The following GNAQ variants were observed in gnomAD, a reference collection of about 807,000 sequenced individuals.
GNAQ encodes guanine nucleotide-binding protein G(q) subunit alpha.
A neutral mutation model predicts 43.9 loss-of-function variants in GNAQ; 8 were observed. The ratio of observed to expected loss-of-function variants is 0.18; its 90% CI spans 0.11 to 0.33. The LOEUF is 0.33. Among genes scored for constraint, GNAQ ranks in the 10% least tolerant of loss-of-function variants. The pLI, the probability that GNAQ is intolerant of heterozygous loss-of-function variation, is 1.00. For synonymous variants in GNAQ, 155 were observed against 170.7 expected, an observed-to-expected ratio of 0.91 and a Z score of 0.71; for missense variants, 158 against 450.8, an observed-to-expected ratio of 0.35 and a Z score of 5.88.
intron 3 of GNAQ, among the ~76,000 whole-genome samples, chr9:77,806,053 G>T (rs890605120): frequency 6.6e-6 from 1 of 152,098 alleles, no homozygotes; most frequent in Non-Finnish European, 1.5e-5. Flanking sequence ...CCAGGGCTGG[G>T]CTCACAGCAA....
At chr9:77,946,391 A>G (rs1349027693) in intron 1 of GNAQ, among the ~76,000 whole-genome samples, 1 of 152,198 alleles carries the variant, frequency 6.6e-6, no homozygotes, top group Non-Finnish European at 1.5e-5. Context: ...TAAGCAGAAC[A>G]TTTTCCAGCT....
At chr9:77,897,106 C>T (rs941783908) in intron 2 of GNAQ, among the ~76,000 whole-genome samples, 2 of 152,184 alleles carry the variant, frequency 1.3e-5, no homozygotes, top group South Asian at 2.1e-4. Flanking sequence ...AGGAGGCACC[C>T]GTGCCAAACC....
At chr9:77,747,105 G>A (rs1452855864) in intron 5 of GNAQ, among the ~76,000 whole-genome samples, 3 of 152,114 alleles carry the variant, frequency 2.0e-5, no homozygotes, top group Admixed American at 6.5e-5. Context: ...TAAAATGGGG[G>A]AGGTAGAGTG....
intron 5 of GNAQ, among the ~76,000 whole-genome samples, chr9:77,764,580 C>T (rs1291416671): frequency 3.3e-5 from 5 of 152,112 alleles, no homozygotes; most frequent in African/African-American, 9.6e-5. Flanking sequence ...CTCAGCCTCC[C>T]GAGTAACTGG....
chr9:77,859,648 C>G (rs1002944356), intron 2 of GNAQ, among the ~76,000 whole-genome samples: 5 of 152,178 alleles, frequency 3.3e-5, no homozygotes, highest in African/African-American at 1.2e-4. Context: ...ATCTGAAGCT[C>G]AAGAAAATTA....
At chr9:77,833,347 G>T (rs954834536) in intron 2 of GNAQ, among the ~76,000 whole-genome samples, 1 of 152,162 alleles carries the variant, frequency 6.6e-6, no homozygotes, top group African/African-American at 2.4e-5. Context: ...TTGGGCAGTC[G>T]AATTCCCTAA....
intron 5 of GNAQ, among the ~76,000 whole-genome samples, chr9:77,738,447 T>C (rs1336955737): frequency 1.3e-5 from 2 of 152,208 alleles, no homozygotes; most frequent in Non-Finnish European, 2.9e-5. Context: ...AAAATTAATA[T>C]GTGGTCATGA....
chr9:77,963,211 G>A (rs1053173869), intron 1 of GNAQ, among the ~76,000 whole-genome samples: 14 of 152,100 alleles, frequency 9.2e-5, no homozygotes, highest in South Asian at 2.1e-4. Flanking sequence ...TTTTAAGAAC[G>A]GATGAAATGA....
At chr9:77,966,711 T>C (rs1359714407) in intron 1 of GNAQ, among the ~76,000 whole-genome samples, 7 of 152,184 alleles carry the variant, frequency 4.6e-5, no homozygotes, top group Admixed American at 4.6e-4. Flanking sequence ...AAAGAGGTAA[T>C]GAATTTGTGG....
intron 2 of GNAQ, among the ~76,000 whole-genome samples, chr9:77,911,314 T>C (rs1828798690): frequency 6.6e-6 from 1 of 152,192 alleles, no homozygotes; most frequent in African/African-American, 2.4e-5. Flanking sequence ...CACATACATA[T>C]ACAATGTAGT....
chr9:77,759,656 T>A (rs1194533892), intron 5 of GNAQ, among the ~76,000 whole-genome samples: 1 of 152,102 alleles, frequency 6.6e-6, no homozygotes, highest in Non-Finnish European at 1.5e-5. Flanking sequence ...TAGGAAACCA[T>A]GCCCTACACC....
At position 77,894,448 on chromosome 9, in the gene GNAQ, C is replaced by A. The variant is rs1428036773; in HGVS notation, c.321+27713G>T. Among the ~76,000 whole-genome samples the A allele has an allele frequency of 2.0e-4, 6 of 29,728 alleles. 1 individual carries two copies. The highest frequency in any genetic ancestry group is 4.8e-4 in the African/African-American group (4 of 8,274). The allele number at this position is 29,728 out of a possible 152,430, so 19.5% of individuals were successfully genotyped here. On this transcript the variant is annotated intron_variant, in intron 2 of 6. Coordinates refer to ENST00000286548, the MANE Select transcript of GNAQ (RefSeq NM_002072.5). ...AAAATATATATATATTTTTTGGAGA[C>A]AGTCTCACTATGTCACCAGGCTGGA...
intron 1 of GNAQ, among the ~76,000 whole-genome samples, chr9:78,024,686 A>G (rs4745690): frequency 0.3 from 45,049 of 152,072 alleles, 6,862 homozygotes; most frequent in South Asian, 0.44. Flanking sequence ...GCTACAATAC[A>G]AGAACTATGC....
At chr9:77,743,450 G>C (rs937951455) in intron 5 of GNAQ, among the ~76,000 whole-genome samples, 6 of 152,186 alleles carry the variant, frequency 3.9e-5, no homozygotes, top group Admixed American at 1.3e-4. Flanking sequence ...GAAGAGTGGA[G>C]TATTTAAATA....
chr9:77,967,081 A>G (rs908483926), intron 1 of GNAQ, among the ~76,000 whole-genome samples: 1 of 152,134 alleles, frequency 6.6e-6, no homozygotes, highest in Non-Finnish European at 1.5e-5. Context: ...CTGCTTTTCA[A>G]AACTTGGGAC....
At chr9:77,834,157 T>C (rs1299845068) in intron 2 of GNAQ, among the ~76,000 whole-genome samples, 1 of 152,232 alleles carries the variant, frequency 6.6e-6, no homozygotes, top group Non-Finnish European at 1.5e-5. Flanking sequence ...AATATGTATT[T>C]GTGAATGCTG....
At chr9:77,825,378 C>T (rs564426606) in intron 2 of GNAQ, among the ~76,000 whole-genome samples, 1 of 152,202 alleles carries the variant, frequency 6.6e-6, no homozygotes, top group Non-Finnish European at 1.5e-5. Context: ...CACCTAGCAA[C>T]TGCCCACTGA....
intron 4 of GNAQ, among the ~76,000 whole-genome samples, chr9:77,795,929 T>A (rs898761667): frequency 6.6e-6 from 1 of 152,224 alleles, no homozygotes; most frequent in Non-Finnish European, 1.5e-5. Flanking sequence ...CATGTAATTG[T>A]AATCTGGTTT....
intron 5 of GNAQ, among the ~76,000 whole-genome samples, chr9:77,774,098 A>G (rs1826270159): frequency 6.6e-6 from 1 of 152,110 alleles, no homozygotes; most frequent in African/African-American, 2.4e-5. Flanking sequence ...CTTTGAGACC[A>G]CAGCATTTTC....
Sources: gnomAD v4.1 joint callset for allele counts (sites outside exome capture counted in the v4.1 genomes callset) on GRCh38, gnomAD v4.1.1 for gene constraint, MANE v1.5 for transcripts, NCBI Gene and HGNC (gene_info 2026-07-23, HGNC 2026-07-21) for gene names.